The following RTL4 variants were observed in gnomAD, a reference collection of about 807,000 sequenced individuals.
RTL4 encodes the protein retrotransposon Gag like 4.
A neutral mutation model predicts 5.3 loss-of-function variants in RTL4; 4 were observed. That is an observed-to-expected ratio of 0.75 (90% CI 0.37 to 1.72). The LOEUF is 1.72. RTL4 is among the 40% of genes most tolerant of loss of function. RTL4 has a pLI of 0.04. For synonymous variants in RTL4, 98 were observed against 87.3 expected, an observed-to-expected ratio of 1.12 and a Z score of -0.68; for missense variants, 260 against 227.1, an observed-to-expected ratio of 1.14 and a Z score of -0.93.
At chrX:112,271,067 A>C in the RTL4 span, among the ~76,000 whole-genome samples, 2 of 109,279 alleles carry the variant, frequency 1.8e-5, no homozygotes, top group East Asian at 2.9e-4. Flanking sequence ...AAAAAAAAAA[A>C]AAAACCCACA....
the RTL4 span, among the ~76,000 whole-genome samples, chrX:112,277,539 G>T: frequency 0.023 from 2,530 of 112,010 alleles, 65 homozygotes; most frequent in African/African-American, 0.078. Context: ...TAGACAGTCA[G>T]TGGGGAAAGC....
the RTL4 span, among the ~76,000 whole-genome samples, chrX:112,155,736 T>G: frequency 8.9e-6 from 1 of 111,826 alleles, no homozygotes; most frequent in South Asian, 3.7e-4. Flanking sequence ...AAGTCTATGG[T>G]TAATTTCTAG....
the RTL4 span, among the ~76,000 whole-genome samples, chrX:112,426,077 T>A: frequency 8.1e-5 from 9 of 111,688 alleles, no homozygotes; most frequent in East Asian, 2.5e-3. Context: ...TTAATTTAGG[T>A]CTATGATACA....
the RTL4 span, among the ~76,000 whole-genome samples, chrX:112,421,423 G>C: frequency 8.9e-6 from 1 of 112,069 alleles, no homozygotes; most frequent in African/African-American, 3.2e-5. Context: ...AATGATCCCA[G>C]TGCATTTACA....
At chrX:112,238,949 C>T in the RTL4 span, among the ~76,000 whole-genome samples, 1 of 111,903 alleles carries the variant, frequency 8.9e-6, no homozygotes, top group African/African-American at 3.3e-5. Context: ...TGATCTTCTG[C>T]CACAGCCTCC....
At chrX:112,166,513 A>G in the RTL4 span, among the ~76,000 whole-genome samples, 352 of 112,017 alleles carry the variant, frequency 3.1e-3, no homozygotes, top group African/African-American at 0.01. Context: ...GGTGAGAATA[A>G]CTGCAAGCTA....
At chrX:112,313,633 T>A in the RTL4 span, among the ~76,000 whole-genome samples, 1 of 109,433 alleles carries the variant, frequency 9.1e-6, no homozygotes, top group Non-Finnish European at 1.9e-5. Flanking sequence ...TCTCTCTCTC[T>A]CACTCACTCT....
the RTL4 span, among the ~76,000 whole-genome samples, chrX:112,102,013 C>T: frequency 9.0e-6 from 1 of 110,663 alleles, no homozygotes; most frequent in Admixed American, 9.6e-5. Flanking sequence ...TTCTGGCCTC[C>T]AAAACTGTAA....
chrX:112,354,466 A>G, the RTL4 span, among the ~76,000 whole-genome samples: 1 of 111,787 alleles, frequency 8.9e-6, no homozygotes. Flanking sequence ...AAATAGAAAT[A>G]TGATCCCATA....
At chrX:112,354,036 T>C in the RTL4 span, among the ~76,000 whole-genome samples, 1 of 110,913 alleles carries the variant, frequency 9.0e-6, no homozygotes, top group East Asian at 2.8e-4. Context: ...GTTTCATGCC[T>C]CCCATGGGCC....
the RTL4 span, among the ~76,000 whole-genome samples, chrX:112,419,594 T>TAC: frequency 2.1e-5 from 1 of 47,798 alleles, no homozygotes; most frequent in Non-Finnish European, 4.0e-5. Context: ...TATATATATA[T>TAC]TTTTACATAT....
At chrX:112,352,766 C>A in the RTL4 span, among the ~76,000 whole-genome samples, 1 of 111,515 alleles carries the variant, frequency 9.0e-6, no homozygotes, top group African/African-American at 3.3e-5. Flanking sequence ...AGGACATAGG[C>A]ATGGGCAAGG....
chrX:112,189,134 C>T, the RTL4 span, among the ~76,000 whole-genome samples: 1 of 111,241 alleles, frequency 9.0e-6, no homozygotes, highest in Non-Finnish European at 1.9e-5. Flanking sequence ...TGGCTTACAC[C>T]TATAATCCCA....
At chrX:112,115,460 C>A in the RTL4 span, among the ~76,000 whole-genome samples, 1 of 111,547 alleles carries the variant, frequency 9.0e-6, no homozygotes, top group Non-Finnish European at 1.9e-5. Context: ...GAGGGCCATA[C>A]CCTGAGGGAA....
At chrX:112,107,788 G>A in the RTL4 span, among the ~76,000 whole-genome samples, 4 of 111,488 alleles carry the variant, frequency 3.6e-5, no homozygotes, top group South Asian at 3.8e-4. Flanking sequence ...TCCTGAGGTC[G>A]TCTTTTTTTG....
the RTL4 span, among the ~76,000 whole-genome samples, chrX:112,288,639 G>A: frequency 8.0e-5 from 9 of 112,075 alleles, no homozygotes; most frequent in Non-Finnish European, 1.3e-4. Context: ...ATTGGCTTGA[G>A]TTGGCAGAAG....
the RTL4 span, among the ~76,000 whole-genome samples, chrX:112,187,303 T>A: frequency 1.3e-4 from 15 of 112,257 alleles, no homozygotes; most frequent in Non-Finnish European, 2.4e-4. Context: ...TGAAATATTA[T>A]CAGTCCAATA....
chrX:112,175,952 G>A, the RTL4 span, among the ~76,000 whole-genome samples: 206 of 110,697 alleles, frequency 1.9e-3, no homozygotes, highest in African/African-American at 6.5e-3. Context: ...CCTGTTTGCA[G>A]ATGACATGAT....
At chrX:112,332,411 A>T in the RTL4 span, among the ~76,000 whole-genome samples, 18 of 110,658 alleles carry the variant, frequency 1.6e-4, no homozygotes, top group Admixed American at 1.5e-3. Context: ...TATTCACAAT[A>T]GCAAAGACCT....
Sources: gnomAD v4.1 joint callset for allele counts (sites outside exome capture counted in the v4.1 genomes callset) on GRCh38, gnomAD v4.1.1 for gene constraint, MANE v1.5 for transcripts, NCBI Gene and HGNC (gene_info 2026-07-23, HGNC 2026-07-21) for gene names.